Variants in C6orf62 observed in about 807,000 individuals in gnomAD.
C6orf62 encodes the protein uncharacterized protein C6orf62.
C6orf62 carries 16 observed loss-of-function variants against 26.8 expected under a neutral mutation model. The observed-to-expected ratio is 0.60, with a 90% CI of 0.40 to 0.91. The LOEUF (loss-of-function observed/expected upper bound fraction) is 0.91. Ranked by LOEUF, C6orf62 falls within the 40% of genes least tolerant of loss-of-function variation. The pLI, the probability that C6orf62 is intolerant of heterozygous loss-of-function variation, is 0.00. For synonymous variants in C6orf62, 112 were observed against 91.5 expected, an observed-to-expected ratio of 1.22 and a Z score of -1.28; for missense variants, 192 against 271.4, an observed-to-expected ratio of 0.71 and a Z score of 2.06.
chr6:24,710,105 A>C lies in C6orf62; in HGVS notation c.430-1194T>G, dbSNP rs971687148. On this transcript the variant is annotated intron_variant, in intron 3 of 4. Transcript: ENST00000378119. ...TTAAATTATTAGTATGATCATAAGCATATCAAAAGCATGCTATTAGCTACT... is the reference window on the plus strand; with the variant it reads ...TTAAATTATTAGTATGATCATAAGCCTATCAAAAGCATGCTATTAGCTACT... 7 of 984,392 alleles carry C rather than the reference A, an allele frequency of 7.1e-6. No homozygotes were observed. The African/African-American group carries it at 1.0e-4, about 15-fold the overall frequency. 61.0% of individuals were successfully genotyped at this position (984,392 alleles called of 1,614,324 possible).
Position 24,708,915 on chromosome 6 carries a change from A to G in C6orf62, c.430-4T>C, listed in dbSNP as rs781392720. The G allele has an allele frequency of 1.9e-6, 3 of 1,613,964 alleles. No homozygotes were observed. The African/African-American group carries it at 4.0e-5, about 22-fold the overall frequency. The stretch of plus-strand genomic sequence containing the variant: ...CATGATGAAACTCAAATTTGGCCTA[A>G]TTACAAAATACAACATTTATATTAA... On this transcript the variant is annotated splice_region_variant and splice_polypyrimidine_tract_variant and intron_variant, in intron 3 of 4. Transcript: ENST00000378119.
chr6:24,709,506 T>C lies in C6orf62; in HGVS notation c.430-595A>G, dbSNP rs954634964. ...GCAAATCCCTTAAACTTCAGCTTCC[T>C]CATCTATAAAATAAGGCTGTAACCC... On this transcript the variant is annotated intron_variant, in intron 3 of 4. Coordinates refer to ENST00000378119, the MANE Select transcript of C6orf62 (RefSeq NM_030939.5). 3 of 977,094 alleles carry C rather than the reference T, an allele frequency of 3.1e-6. No individual in the cohort carries two copies. In the Admixed American group the frequency reaches 1.8e-4, roughly 60 times the overall value. The allele number at this position is 977,094 out of a possible 1,614,324, so 60.5% of individuals were successfully genotyped here. A position where few individuals can be genotyped will look rare whatever the true frequency, so the allele number is the denominator to read the frequency against.
At chr6:24,713,825 T>A (rs1779172880) in intron 3 of C6orf62, among the ~76,000 whole-genome samples, 1 of 152,208 alleles carries the variant, frequency 6.6e-6, no homozygotes, top group Admixed American at 6.5e-5. Flanking sequence ...ATGTCTAGTA[T>A]ACCATGACAA....
At chr6:24,714,271 GT>G in intron 3 of C6orf62, 46 bp downstream of exon 3, 1 of 1,479,242 alleles carries the variant, frequency 6.8e-7, no homozygotes, top group South Asian at 1.3e-5. Context: ...TTATATTCTA[GT>G]AGTTTTCACA....
intron 3 of C6orf62, among the ~76,000 whole-genome samples, chr6:24,711,691 CA>C (rs201736070): frequency 2.0e-5 from 3 of 150,172 alleles, no homozygotes; most frequent in African/African-American, 4.9e-5. Context: ...AAACAAAAAA[CA>C]AAAAAAAGAG....
upstream of C6orf62, chr6:24,719,280 A>T: frequency 4.0e-6 from 4 of 989,506 alleles, no homozygotes; most frequent in Non-Finnish European, 4.8e-6. Context: ...TGTAGTACCT[A>T]ATTCTTAGTT....
At chr6:24,709,621 T>C in intron 3 of C6orf62, 2 of 985,470 alleles carry the variant, frequency 2.0e-6, no homozygotes, top group Non-Finnish European at 2.4e-6. Context: ...TATGTTTTTA[T>C]GTGAATTTTT....
upstream of C6orf62, chr6:24,720,215 G>A (rs1779327753): frequency 7.4e-7 from 1 of 1,348,982 alleles, no homozygotes; most frequent in Admixed American, 3.6e-5. Flanking sequence ...GGGACTCACG[G>A]ACCGACTCTA....
chr6:24,706,029 G>A lies in C6orf62; in HGVS notation c.*108C>T, dbSNP rs1258366497. ...CAAGTTTCAAAATGCATAGTGTTCT[G>A]TGCATGAGTCCATTTTCTTTAAACT... On this transcript the variant is annotated 3_prime_UTR_variant, in exon 5 of 5. Transcript: ENST00000378119. The A allele has an allele frequency of 1.4e-6, 2 of 1,454,140 alleles. No homozygotes were observed. The highest frequency in any genetic ancestry group is 1.8e-6 in the Non-Finnish European group (2 of 1,083,100). 90.1% of individuals were successfully genotyped at this position (1,454,140 alleles called of 1,614,324 possible).
rs563001115 is a variant in C6orf62, at chr6:24,705,019, T to C, written c.*1118A>G. 9.9e-5 allele frequency: 15 copies of C among 152,138 alleles called. No homozygotes were observed. Among genetic ancestry groups the C allele is most frequent in the Admixed American group, 8.5e-4 (13 of 15,248 alleles). The allele number at this position is 152,138 out of a possible 1,614,324, so 9.4% of individuals were successfully genotyped here. A position where few individuals can be genotyped will look rare whatever the true frequency, so the allele number is the denominator to read the frequency against. On this transcript the variant is annotated 3_prime_UTR_variant, in exon 5 of 5. Coordinates refer to ENST00000378119, the MANE Select transcript of C6orf62 (RefSeq NM_030939.5). ...CCAAAGGAGTAGGATCATTCAGATTTACTCCAATAAAAGTATGCAACCCTT... is the reference window on the plus strand; with the variant it reads ...CCAAAGGAGTAGGATCATTCAGATTCACTCCAATAAAAGTATGCAACCCTT...
At chr6:24,720,386 C>T, upstream of C6orf62, 3 of 1,177,250 alleles carry the variant, frequency 2.5e-6, no homozygotes, top group Non-Finnish European at 3.1e-6. Flanking sequence ...CAGTGCGCAC[C>T]GTGACTGGAC....
chr6:24,705,388 A>C lies in C6orf62; in HGVS notation c.*749T>G, dbSNP rs1029326945. The stretch of plus-strand genomic sequence containing the variant: ...CCTATCATGGTTTCTGCAGCTATGC[A>C]TGTATTTCTGTTTTATAGCTGCTTT... On this transcript the variant is annotated 3_prime_UTR_variant, in exon 5 of 5. Transcript: ENST00000378119. 6.6e-6 allele frequency: 1 copy of C among 152,662 alleles called. No homozygotes were observed. Among genetic ancestry groups the C allele is most frequent in the Non-Finnish European group, 1.5e-5 (1 of 68,044 alleles). The allele number at this position is 152,662 out of a possible 1,614,324, so 9.5% of individuals were successfully genotyped here. A position where few individuals can be genotyped will look rare whatever the true frequency, so the allele number is the denominator to read the frequency against.
upstream of C6orf62, chr6:24,720,253 G>A: frequency 7.7e-7 from 1 of 1,298,012 alleles, no homozygotes; most frequent in East Asian, 3.1e-5. Context: ...TCTAGCCGCA[G>A]CCTGCGGGCG....
chr6:24,711,034 CAG>C (rs1380550956), intron 3 of C6orf62, among the ~76,000 whole-genome samples: 1 of 151,984 alleles, frequency 6.6e-6, no homozygotes, highest in Non-Finnish European at 1.5e-5. Context: ...TACTAGGAAA[CAG>C]AACCAACACA....
At chr6:24,716,496 C>A (rs2127635934) in intron 1 of C6orf62, among the ~76,000 whole-genome samples, 172 bp from the exon 2 acceptor site, 1 of 152,258 alleles carries the variant, frequency 6.6e-6, no homozygotes, top group South Asian at 2.1e-4. Context: ...CTTCCCCTAC[C>A]TCCCCCTCCA....
chr6:24,712,153 G>A (rs1779131811), intron 3 of C6orf62, among the ~76,000 whole-genome samples: 1 of 152,090 alleles, frequency 6.6e-6, no homozygotes, highest in South Asian at 2.1e-4. Context: ...GGGAGGCCAA[G>A]CCAGGCAGAT....
intron 1 of C6orf62, among the ~76,000 whole-genome samples, chr6:24,716,630 G>A (rs976007256): frequency 3.9e-5 from 6 of 151,992 alleles, no homozygotes; most frequent in African/African-American, 1.5e-4. Context: ...TTAAAACAAC[G>A]CTATTCAGAC....
intron 3 of C6orf62, among the ~76,000 whole-genome samples, chr6:24,712,512 T>C (rs1054979204): frequency 1.3e-5 from 2 of 151,538 alleles, no homozygotes; most frequent in African/African-American, 4.9e-5. Flanking sequence ...CTACTAAAAA[T>C]ACAAAAATTA....
upstream of C6orf62, chr6:24,720,256 T>C (rs1779328348): frequency 1.5e-6 from 2 of 1,293,844 alleles, no homozygotes; most frequent in South Asian, 2.5e-5. Flanking sequence ...AGCCGCAGCC[T>C]GCGGGCGGAG....
Sources: gnomAD v4.1 joint callset for allele counts (sites outside exome capture counted in the v4.1 genomes callset) on GRCh38, gnomAD v4.1.1 for gene constraint, MANE v1.5 for transcripts, NCBI Gene and HGNC (gene_info 2026-07-23, HGNC 2026-07-21) for gene names.